GOLM2: variants seen among roughly 807,000 people sequenced by gnomAD.
The protein encoded by GOLM2 is golgi membrane protein 2, also known as protein GOLM2.
A neutral mutation model predicts 55.9 loss-of-function variants in GOLM2; 26 were observed. The observed-to-expected ratio is 0.47, with a 90% CI of 0.34 to 0.65. The LOEUF (loss-of-function observed/expected upper bound fraction) is 0.65. Among genes scored for constraint, GOLM2 ranks in the 30% least tolerant of loss-of-function variants. GOLM2 has a pLI of 0.01. For missense variants in GOLM2, 486 were observed against 531.8 expected (o/e 0.91, Z 0.85); for synonymous variants, 165 against 194.6 (o/e 0.85, Z 1.27).
intron 6 of GOLM2, among the ~76,000 whole-genome samples, chr15:44,347,854 A>G (rs1325519489): frequency 6.6e-6 from 1 of 152,158 alleles, no homozygotes; most frequent in Non-Finnish European, 1.5e-5. Flanking sequence ...TCATTTTGCA[A>G]CTTGAATACC....
intron 1 of GOLM2, among the ~76,000 whole-genome samples, chr15:44,300,299 T>C (rs2078789001): frequency 6.6e-6 from 1 of 152,116 alleles, no homozygotes; most frequent in African/African-American, 2.4e-5. Flanking sequence ...TGTATTATTC[T>C]ATTGAAACCC....
chr15:44,363,614 AC>A (rs2079259813), intron 6 of GOLM2, among the ~76,000 whole-genome samples: 1 of 152,232 alleles, frequency 6.6e-6, no homozygotes, highest in South Asian at 2.1e-4. Flanking sequence ...AACTAGTTCA[AC>A]CATTGTGGAA....
At chr15:44,380,740 G>A in intron 7 of GOLM2, 66 bp from the exon 8 acceptor site, 1 of 1,140,088 alleles carries the variant, frequency 8.8e-7, no homozygotes, top group African/African-American at 1.6e-5. Flanking sequence ...AGCAGATCTT[G>A]TGAAATTCAT....
At chr15:44,413,308 T>C (rs1390354408) in intron 9 of GOLM2, 28 bp from the exon 10 acceptor site, 1 of 1,541,878 alleles carries the variant, frequency 6.5e-7, no homozygotes, top group Non-Finnish European at 8.9e-7. Flanking sequence ...AAAAATAATA[T>C]GTTGATACAA....
At chr15:44,312,618 C>T (rs565244273) in intron 1 of GOLM2, among the ~76,000 whole-genome samples, 7 of 152,194 alleles carry the variant, frequency 4.6e-5, no homozygotes, top group African/African-American at 1.7e-4. Context: ...TTATATTCAC[C>T]CTCTCAGTCT....
intron 1 of GOLM2, among the ~76,000 whole-genome samples, chr15:44,314,576 T>C (rs1324866964): frequency 6.7e-6 from 1 of 148,686 alleles, no homozygotes; most frequent in African/African-American, 2.5e-5. Context: ...AAAAAAAAAA[T>C]GTAACTGATA....
At chr15:44,391,397 G>T (rs1441324198) in intron 8 of GOLM2, among the ~76,000 whole-genome samples, 2 of 151,754 alleles carry the variant, frequency 1.3e-5, no homozygotes, top group Non-Finnish European at 2.9e-5. Flanking sequence ...GGCGCCTGTA[G>T]TCCCAGCTAC....
chr15:44,328,979 T>C (rs1283072357), intron 3 of GOLM2, among the ~76,000 whole-genome samples, 192 bp downstream of exon 3: 1 of 152,234 alleles, frequency 6.6e-6, no homozygotes, highest in Non-Finnish European at 1.5e-5. Flanking sequence ...TTTGATAAAT[T>C]AAACAGCATG....
At chr15:44,381,005 A>G (rs2079398174) in intron 8 of GOLM2, 29 bp downstream of exon 8, 4 of 1,394,382 alleles carry the variant, frequency 2.9e-6, no homozygotes, top group South Asian at 3.2e-5. Flanking sequence ...ATATTATGCT[A>G]AAAATATTTC....
intron 6 of GOLM2, among the ~76,000 whole-genome samples, chr15:44,372,995 A>G (rs1030945641): frequency 1.3e-5 from 2 of 152,070 alleles, no homozygotes; most frequent in Non-Finnish European, 2.9e-5. Context: ...AGAGCCTCCC[A>G]CCACTCTCTA....
intron 6 of GOLM2, among the ~76,000 whole-genome samples, chr15:44,374,377 G>C (rs975311353): frequency 2.0e-5 from 3 of 151,988 alleles, no homozygotes; most frequent in African/African-American, 4.8e-5. Flanking sequence ...GGCCAGGCAC[G>C]ATGGTTCACG....
intron 6 of GOLM2, among the ~76,000 whole-genome samples, chr15:44,346,402 A>G (rs2079124890): frequency 6.6e-6 from 1 of 152,136 alleles, no homozygotes; most frequent in Non-Finnish European, 1.5e-5. Context: ...GAAGGTTTAA[A>G]TGGTCACTAG....
At chr15:44,338,864 T>A (rs1393793032) in intron 6 of GOLM2, among the ~76,000 whole-genome samples, 1 of 152,146 alleles carries the variant, frequency 6.6e-6, no homozygotes, top group East Asian at 1.9e-4. Context: ...TGTCTGCTGC[T>A]TATCCATTTT....
chr15:44,402,835 CCTT>C lies in GOLM2; in HGVS notation c.1073-48_1073-46del, dbSNP rs2079574299. 8.2e-6 allele frequency: 13 copies of C among 1,585,662 alleles called. No individual in the cohort carries two copies. In the South Asian group the frequency reaches 1.3e-4, roughly 16 times the overall value. Reference sequence around the variant, plus strand: ...TTCTGGTCTGCCTTCCGTATAGATTCCTTCTTTTCTTCTCTCTTTACTCTTGAA... The same window carrying C: ...TTCTGGTCTGCCTTCCGTATAGATTCCTTTTCTTCTCTCTTTACTCTTGAA... On this transcript the variant is annotated intron_variant, in intron 8 of 9. Coordinates refer to ENST00000299957, the MANE Select transcript of GOLM2 (RefSeq NM_138423.4).
At chr15:44,335,795 A>G (rs975729031) in intron 4 of GOLM2, among the ~76,000 whole-genome samples, 1 of 147,264 alleles carries the variant, frequency 6.8e-6, no homozygotes, top group African/African-American at 2.5e-5. Flanking sequence ...TAGTTTTGTG[A>G]CTTTGGACAA....
intron 6 of GOLM2, among the ~76,000 whole-genome samples, chr15:44,375,016 A>G (rs1175418502): frequency 3.3e-5 from 5 of 151,912 alleles, no homozygotes; most frequent in Non-Finnish European, 7.4e-5. Context: ...TTATTTATTT[A>G]TATTTATTTA....
At chr15:44,387,936 AT>A (rs1473313458) in intron 8 of GOLM2, among the ~76,000 whole-genome samples, 1 of 151,704 alleles carries the variant, frequency 6.6e-6, no homozygotes, top group Admixed American at 6.6e-5. Flanking sequence ...TATAAAAATC[AT>A]TTCTTTTATT....
chr15:44,399,078 G>A (rs1175348120), intron 8 of GOLM2, among the ~76,000 whole-genome samples: 2 of 152,044 alleles, frequency 1.3e-5, no homozygotes, highest in Non-Finnish European at 2.9e-5. Context: ...GTTCTTACCT[G>A]TTCTTTCAGT....
chr15:44,387,388 C>T (rs1471647873), intron 8 of GOLM2: 1 of 152,114 alleles, frequency 6.6e-6, no homozygotes, highest in Non-Finnish European at 1.5e-5. Flanking sequence ...TATTCCTAAG[C>T]ATTTTATTGT....
Sources: allele counts gnomAD v4.1 joint callset (sites outside exome capture counted in the v4.1 genomes callset), GRCh38; gene constraint gnomAD v4.1.1; transcripts MANE v1.5; gene names NCBI Gene and HGNC (gene_info 2026-07-23, HGNC 2026-07-21).